Variants in DNAH5 observed in about 807,000 individuals in gnomAD.
The protein encoded by DNAH5 is axonemal beta dynein heavy chain 5.
In DNAH5, 372 loss-of-function variants were observed where a neutral mutation model predicts 518.2. The observed-to-expected ratio is 0.72, with a 90% CI of 0.66 to 0.78. The LOEUF (loss-of-function observed/expected upper bound fraction) is 0.78, where lower values mean the gene tolerates loss of function less well. DNAH5 is among the 30% of genes least tolerant of loss of function. The pLI is 0.00. For synonymous variants in DNAH5, 2,039 were observed against 2,025.9 expected, an observed-to-expected ratio of 1.01 and a Z score of -0.17; for missense variants, 5,523 against 5,687.0, an observed-to-expected ratio of 0.97 and a Z score of 0.93.
rs770180322 is a variant in DNAH5 at position 13,708,268 on chromosome 5, T to C, written c.13193A>G (p.Asp4398Gly). The C allele has an allele frequency of 6.2e-7, 1 of 1,614,112 alleles. No homozygotes were observed. The highest frequency in any genetic ancestry group is 8.5e-7 in the Non-Finnish European group (1 of 1,179,986). The stretch of plus-strand genomic sequence containing the variant: ...AAGGCTGAGTACCCTTTGCATTCTG[T>C]CTATTTCCTGCCTGAGGAAAATGTT... ...PMNIFLRQEI[D>G]RMQRVLSLVR... Residue 4398 changes from aspartate (D) to glycine (G), a missense_variant, in exon 76 of 79, where the codon GAC (aspartate) becomes GGC (glycine). Asp to Gly is a moderately conservative substitution (Grantham distance 94). This residue lies in a region of DNAH5 where 387 missense variants were observed against 430.0 expected (regional missense o/e 0.90). Transcript: ENST00000265104.
At chr5:13,808,547 CTT>C (rs1760044470) in intron 46 of DNAH5, among the ~76,000 whole-genome samples, 1 of 152,120 alleles carries the variant, frequency 6.6e-6, no homozygotes, top group Non-Finnish European at 1.5e-5. Flanking sequence ...TAATTACTGA[CTT>C]ATGAATTAGA....
chr5:13,753,155 T>A, intron 63 of DNAH5, 78 bp downstream of exon 63: 1 of 1,087,418 alleles, frequency 9.2e-7, no homozygotes, highest in Non-Finnish European at 1.4e-6. Flanking sequence ...TTTCAAATAT[T>A]TCTTTACTCT....
chr5:13,910,460 G>A (rs1235064719), intron 12 of DNAH5, among the ~76,000 whole-genome samples: 1 of 152,136 alleles, frequency 6.6e-6, no homozygotes, highest in Non-Finnish European at 1.5e-5. Context: ...CTCCTCCCAA[G>A]GTGTCTCAGA....
intron 12 of DNAH5, among the ~76,000 whole-genome samples, chr5:13,909,772 CA>C (rs140727074): frequency 0.082 from 12,554 of 152,220 alleles, 693 homozygotes; most frequent in Non-Finnish European, 0.12. Flanking sequence ...TTCATCATTT[CA>C]CCATCTGCCT....
chr5:13,769,756 A>T, intron 56 of DNAH5, 141 bp from the exon 57 acceptor site: 1 of 740,790 alleles, frequency 1.3e-6, no homozygotes, highest in Non-Finnish European at 2.4e-6. Context: ...AGGGCTTAGC[A>T]AAAAGGATAC....
intron 31 of DNAH5, among the ~76,000 whole-genome samples, chr5:13,848,714 C>T (rs762241931): frequency 5.3e-5 from 8 of 152,084 alleles, no homozygotes; most frequent in South Asian, 4.1e-4. Flanking sequence ...AGGGTGTATG[C>T]GCAGTTCACA....
intron 25 of DNAH5, among the ~76,000 whole-genome samples, chr5:13,867,119 T>C (rs1188362079): frequency 6.6e-5 from 10 of 152,220 alleles, no homozygotes; most frequent in Admixed American, 5.9e-4. Context: ...AAATTTAGAA[T>C]GCTACCAAAC....
At chr5:13,818,572 C>T (rs1468896208) in intron 41 of DNAH5, among the ~76,000 whole-genome samples, 1 of 152,220 alleles carries the variant, frequency 6.6e-6, no homozygotes, top group African/African-American at 2.4e-5. Context: ...GGTACTCAAC[C>T]CTCAAGCCTC....
intron 68 of DNAH5, 114 bp downstream of exon 68, chr5:13,735,017 G>T (rs1269227962): frequency 6.8e-6 from 6 of 876,412 alleles, no homozygotes; most frequent in Non-Finnish European, 1.1e-5. Flanking sequence ...TCATCTAAAT[G>T]CAGTCTTACA....
At chr5:13,985,352 C>A (rs1305465387) in intron 1 of DNAH5, among the ~76,000 whole-genome samples, 2 of 150,898 alleles carry the variant, frequency 1.3e-5, no homozygotes, top group Non-Finnish European at 3.0e-5. Context: ...GGGTGCAGCA[C>A]ACCAACATGG....
intron 47 of DNAH5, among the ~76,000 whole-genome samples, chr5:13,799,133 T>C (rs1758324912): frequency 2.0e-5 from 3 of 151,900 alleles, no homozygotes; most frequent in Admixed American, 1.3e-4. Flanking sequence ...GAATGAGATA[T>C]AAATATATTA....
chr5:13,738,077 A>T (rs1316810653), intron 65 of DNAH5, among the ~76,000 whole-genome samples: 1 of 143,836 alleles, frequency 7.0e-6, no homozygotes, highest in Non-Finnish European at 1.5e-5. Flanking sequence ...TAAAATAAAA[A>T]ATAAAATGTT....
At chr5:13,941,238 G>A (rs1373103699) in intron 1 of DNAH5, among the ~76,000 whole-genome samples, 1 of 152,178 alleles carries the variant, frequency 6.6e-6, no homozygotes, top group Non-Finnish European at 1.5e-5. Flanking sequence ...CATGCCTATA[G>A]TCCCAGCTAC....
intron 78 of DNAH5, among the ~76,000 whole-genome samples, chr5:13,695,463 C>T (rs1429110914): frequency 6.6e-6 from 1 of 152,110 alleles, no homozygotes; most frequent in Non-Finnish European, 1.5e-5. Context: ...GTTTAGCTGT[C>T]CTCATTTTCA....
intron 30 of DNAH5, among the ~76,000 whole-genome samples, chr5:13,853,159 C>T (rs1305883555): frequency 6.6e-6 from 1 of 152,220 alleles, no homozygotes; most frequent in Non-Finnish European, 1.5e-5. Context: ...TCAGACAAAG[C>T]TTCCAGAGGA....
At position 13,791,978 on chromosome 5, in the gene DNAH5, C is replaced by A; in HGVS notation, c.8448+16G>T. The A allele has an allele frequency of 6.3e-7, 1 of 1,596,908 alleles. No homozygotes were observed. The highest frequency in any genetic ancestry group is 1.1e-5 in the South Asian group (1 of 90,558). ...ATAGCAATGTTATTTGTTTTTCTTT[C>A]TTCAGTGTCACTTACATTTGGTTCC... On this transcript the variant is annotated intron_variant, in intron 50 of 78. Transcript: ENST00000265104.
chr5:13,719,139 A>G (rs1280327344), intron 71 of DNAH5, 38 bp from the exon 72 acceptor site: 3 of 1,487,724 alleles, frequency 2.0e-6, no homozygotes, highest in Non-Finnish European at 2.8e-6. Flanking sequence ...GTAGTTTTGT[A>G]TTTCACCCAA....
At chr5:13,776,405 TG>T (rs774838676) in intron 55 of DNAH5, 33 bp downstream of exon 55, 2 of 1,612,654 alleles carry the variant, frequency 1.2e-6, no homozygotes, top group Middle Eastern at 1.7e-4. Flanking sequence ...CTTGAACACA[TG>T]TTATGCCCTG....
At chr5:13,740,997 C>T (rs1269941453) in intron 65 of DNAH5, among the ~76,000 whole-genome samples, 1 of 152,158 alleles carries the variant, frequency 6.6e-6, no homozygotes, top group African/African-American at 2.4e-5. Context: ...AAGCCTGGTA[C>T]GTAGTAGGCA....
Sources: allele counts gnomAD v4.1 joint callset (sites outside exome capture counted in the v4.1 genomes callset), GRCh38; gene constraint gnomAD v4.1.1; regional missense constraint gnomAD v4.1.1; transcripts MANE v1.5; gene names NCBI Gene and HGNC (gene_info 2026-07-23, HGNC 2026-07-21).